SPAG16: variants seen among roughly 807,000 people sequenced by gnomAD.
SPAG16 encodes the protein sperm associated antigen 16.
In SPAG16, 86 loss-of-function variants were observed where a neutral mutation model predicts 80.4. The ratio of observed to expected loss-of-function variants is 1.07; its 90% CI spans 0.90 to 1.28. The LOEUF (loss-of-function observed/expected upper bound fraction) is 1.28, where lower values mean the gene tolerates loss of function less well. Among genes scored for constraint, SPAG16 ranks in the 50% most tolerant of loss-of-function variants. The probability of loss-of-function intolerance (pLI) is 0.00; values close to 1 mark genes in which losing one functional copy is unlikely to be tolerated. For synonymous variants in SPAG16, 294 were observed against 265.9 expected, an observed-to-expected ratio of 1.11 and a Z score of -1.03; for missense variants, 870 against 765.3, an observed-to-expected ratio of 1.14 and a Z score of -1.61.
chr2:213,772,335 C>T (rs781257958), intron 10 of SPAG16, among the ~76,000 whole-genome samples: 2 of 152,114 alleles, frequency 1.3e-5, no homozygotes, highest in Non-Finnish European at 2.9e-5. Flanking sequence ...TTGACTATCT[C>T]AGAAGCTAAG....
chr2:214,088,204 T>C (rs2125299206), intron 13 of SPAG16, among the ~76,000 whole-genome samples: 1 of 151,706 alleles, frequency 6.6e-6, no homozygotes, highest in South Asian at 2.1e-4. Context: ...AACAAAAATA[T>C]TGGAAAAAAA....
chr2:213,936,754 C>A (rs2079007577), intron 12 of SPAG16, among the ~76,000 whole-genome samples: 1 of 152,154 alleles, frequency 6.6e-6, no homozygotes, highest in South Asian at 2.1e-4. Context: ...GGTGTATCAG[C>A]TGGTGATCCA....
At chr2:213,314,278 A>C (rs1301452711) in intron 4 of SPAG16, among the ~76,000 whole-genome samples, 1 of 151,890 alleles carries the variant, frequency 6.6e-6, no homozygotes, top group Non-Finnish European at 1.5e-5. Context: ...TTAAGAGCAA[A>C]TTATATTTCA....
At chr2:213,662,060 A>G (rs985117643) in intron 10 of SPAG16, among the ~76,000 whole-genome samples, 4 of 151,988 alleles carry the variant, frequency 2.6e-5, no homozygotes, top group Non-Finnish European at 5.9e-5. Context: ...GTATTGATAA[A>G]CCTTATTAAA....
intron 12 of SPAG16, among the ~76,000 whole-genome samples, chr2:213,979,265 G>T (rs1215407469): frequency 6.6e-6 from 1 of 151,924 alleles, no homozygotes; most frequent in Non-Finnish European, 1.5e-5. Context: ...AAAAAGAAAT[G>T]TTGGGGGGTA....
intron 14 of SPAG16, among the ~76,000 whole-genome samples, chr2:214,128,442 T>A (rs1437660530): frequency 6.6e-6 from 1 of 151,854 alleles, no homozygotes; most frequent in Non-Finnish European, 1.5e-5. Context: ...CTGGTTATGC[T>A]CACTAGTGAG....
intron 10 of SPAG16, among the ~76,000 whole-genome samples, chr2:213,665,666 T>C (rs568685296): frequency 6.6e-6 from 1 of 152,280 alleles, no homozygotes; most frequent in Admixed American, 6.5e-5. Flanking sequence ...AATAAATACA[T>C]AACCTTGTTT....
intron 15 of SPAG16, among the ~76,000 whole-genome samples, chr2:214,272,920 T>C (rs1692145697): frequency 1.3e-5 from 2 of 152,148 alleles, no homozygotes; most frequent in Non-Finnish European, 2.9e-5. Flanking sequence ...AGTGTAAAAG[T>C]GTTCCTATTT....
chr2:214,356,371 A>G (rs548961901), intron 15 of SPAG16, among the ~76,000 whole-genome samples: 1 of 151,950 alleles, frequency 6.6e-6, no homozygotes, highest in African/African-American at 2.4e-5. Flanking sequence ...AGTGATCCCA[A>G]TTGACACAAT....
At chr2:214,191,917 A>G (rs1442728830) in intron 15 of SPAG16, among the ~76,000 whole-genome samples, 1 of 151,906 alleles carries the variant, frequency 6.6e-6, no homozygotes, top group Non-Finnish European at 1.5e-5. Flanking sequence ...TAATATGCAA[A>G]TTCCTGAGCT....
chr2:214,250,574 A>G (rs1355405698), intron 15 of SPAG16, among the ~76,000 whole-genome samples: 1 of 148,872 alleles, frequency 6.7e-6, no homozygotes, highest in Non-Finnish European at 1.5e-5. Flanking sequence ...TGTAAAATAA[A>G]AAATACCTTT....
intron 10 of SPAG16, among the ~76,000 whole-genome samples, chr2:213,620,930 A>G (rs574977343): frequency 9.9e-5 from 15 of 152,192 alleles, no homozygotes; most frequent in African/African-American, 3.4e-4. Context: ...TCTTTCTTCA[A>G]GAGTCTCAAG....
chr2:214,218,569 G>A (rs765583029), intron 15 of SPAG16, among the ~76,000 whole-genome samples: 1 of 152,110 alleles, frequency 6.6e-6, no homozygotes, highest in African/African-American at 2.4e-5. Context: ...GAAGAACCTG[G>A]GAAGAGAGGA....
At chr2:213,559,326 T>C (rs2059529315) in intron 10 of SPAG16, among the ~76,000 whole-genome samples, 1 of 152,156 alleles carries the variant, frequency 6.6e-6, no homozygotes, top group Non-Finnish European at 1.5e-5. Flanking sequence ...GGCAATGTGA[T>C]GTCATGAAGC....
At chr2:213,299,571 C>T (rs1244941736) in intron 3 of SPAG16, among the ~76,000 whole-genome samples, 1 of 152,088 alleles carries the variant, frequency 6.6e-6, no homozygotes, top group African/African-American at 2.4e-5. Context: ...AGCCACCACA[C>T]TGGGCCAAGT....
At chr2:213,393,743 A>T (rs2067892459) in intron 9 of SPAG16, among the ~76,000 whole-genome samples, 1 of 151,594 alleles carries the variant, frequency 6.6e-6, no homozygotes, top group Admixed American at 6.6e-5. Context: ...AGCTCCTACT[A>T]CTCTATATCT....
At chr2:213,335,909 A>T (rs1210970101) in intron 5 of SPAG16, among the ~76,000 whole-genome samples, 1 of 152,028 alleles carries the variant, frequency 6.6e-6, no homozygotes, top group Non-Finnish European at 1.5e-5. Flanking sequence ...GAGAGTAGCC[A>T]AGTTTACCAA....
At chr2:213,595,771 G>A (rs2060866300) in intron 10 of SPAG16, among the ~76,000 whole-genome samples, 1 of 151,916 alleles carries the variant, frequency 6.6e-6, no homozygotes, top group South Asian at 2.1e-4. Context: ...TTATACTTTG[G>A]AAATATTAAT....
At chr2:213,381,082 T>TA (rs2067147917) in intron 9 of SPAG16, among the ~76,000 whole-genome samples, 1 of 151,916 alleles carries the variant, frequency 6.6e-6, no homozygotes, top group African/African-American at 2.4e-5. Context: ...TCCACTGGGC[T>TA]TACCGTAAAA....
Sources: gnomAD v4.1 joint callset for allele counts (sites outside exome capture counted in the v4.1 genomes callset) on GRCh38, gnomAD v4.1.1 for gene constraint, MANE v1.5 for transcripts, NCBI Gene and HGNC (gene_info 2026-07-23, HGNC 2026-07-21) for gene names.